The following ZDHHC2 variants were observed in gnomAD, a reference collection of about 807,000 sequenced individuals.
The protein encoded by ZDHHC2 is zDHHC palmitoyltransferase 2, also known as palmitoyltransferase ZDHHC2.
In ZDHHC2, 51 loss-of-function variants were observed where a neutral mutation model predicts 55.6. The observed-to-expected ratio is 0.92, with a 90% CI of 0.73 to 1.16. The LOEUF (loss-of-function observed/expected upper bound fraction) is 1.16. ZDHHC2 is among the 50% of genes most tolerant of loss of function. ZDHHC2 has a pLI of 0.00. For missense variants in ZDHHC2, 491 were observed against 442.4 expected (o/e 1.11, Z -0.99); for synonymous variants, 199 against 152.9 (o/e 1.30, Z -2.22).
intron 3 of ZDHHC2, among the ~76,000 whole-genome samples, chr8:17,189,069 G>T (rs1490604345): frequency 4.1e-5 from 6 of 147,424 alleles, no homozygotes; most frequent in Non-Finnish European, 7.4e-5. Context: ...TTATAGATTT[G>T]CAGTAGCCTC....
intron 6 of ZDHHC2, among the ~76,000 whole-genome samples, chr8:17,202,734 T>TATACAC (rs370809337): frequency 4.0e-5 from 6 of 149,730 alleles, no homozygotes; most frequent in African/African-American, 1.5e-4. Context: ...TATATATATA[T>TATACAC]ACACACACAC....
intron 3 of ZDHHC2, among the ~76,000 whole-genome samples, chr8:17,187,369 C>CT (rs1805766130): frequency 6.6e-6 from 1 of 152,020 alleles, no homozygotes; most frequent in South Asian, 2.1e-4. Context: ...TAAAAATATA[C>CT]TTTGCTAACT....
intron 1 of ZDHHC2, among the ~76,000 whole-genome samples, chr8:17,164,533 A>G (rs940603778): frequency 1.3e-5 from 2 of 152,100 alleles, no homozygotes; most frequent in Non-Finnish European, 1.5e-5. Context: ...ATTCACTAGC[A>G]TTGCCACCCC....
intron 3 of ZDHHC2, 95 bp from the exon 4 acceptor site, chr8:17,195,409 T>C (rs1469620775): frequency 1.5e-6 from 2 of 1,374,526 alleles, no homozygotes; most frequent in African/African-American, 1.5e-5. Context: ...ATACCATTAA[T>C]ATTTTATAAA....
chr8:17,180,678 G>T (rs1041654694), intron 1 of ZDHHC2, among the ~76,000 whole-genome samples: 1 of 152,174 alleles, frequency 6.6e-6, no homozygotes, highest in Non-Finnish European at 1.5e-5. Context: ...TGCTACTGCT[G>T]CAGCAATCAC....
At chr8:17,173,860 G>C (rs1804990085) in intron 1 of ZDHHC2, among the ~76,000 whole-genome samples, 1 of 152,070 alleles carries the variant, frequency 6.6e-6, no homozygotes, top group African/African-American at 2.4e-5. Context: ...GAATTTATTT[G>C]GAGAAAGGGT....
intron 7 of ZDHHC2, among the ~76,000 whole-genome samples, chr8:17,207,498 A>C (rs1354722031): frequency 1.3e-5 from 2 of 152,214 alleles, no homozygotes; most frequent in Admixed American, 6.5e-5. Flanking sequence ...TGTTGTTTGT[A>C]GTAACATAAA....
chr8:17,207,881 A>G, intron 7 of ZDHHC2, 79 bp from the exon 8 acceptor site: 1 of 1,161,462 alleles, frequency 8.6e-7, no homozygotes, highest in Non-Finnish European at 1.1e-6. Flanking sequence ...AAAAAAAAAA[A>G]TCTTACTAAT....
Position 17,205,697 on chromosome 8 carries a change from CCTTTT to C in ZDHHC2, c.523_527del (p.Phe175GlyfsTer28). 6.2e-7 allele frequency: 1 copy of C among 1,608,096 alleles called. No homozygotes were observed. The highest frequency in any genetic ancestry group is 8.5e-7 in the Non-Finnish European group (1 of 1,178,180). On this transcript the variant is annotated frameshift_variant, in exon 7 of 13. Coordinates refer to ENST00000262096, the MANE Select transcript of ZDHHC2 (RefSeq NM_016353.5). LOFTEE classifies it high-confidence loss of function. ...GATTTTCAAATTATAAGTTCTTTCTCCTTTTCTTGGCTTATTCTCTGCTCTACTGC... is the reference window on the plus strand; with the variant it reads ...GATTTTCAAATTATAAGTTCTTTCTCCTTGGCTTATTCTCTGCTCTACTGC...
chr8:17,159,438 T>C (rs1804222353), intron 1 of ZDHHC2, among the ~76,000 whole-genome samples: 2 of 152,324 alleles, frequency 1.3e-5, no homozygotes, highest in South Asian at 4.1e-4. Flanking sequence ...TGCTCTCAGC[T>C]AGGGATGACC....
At chr8:17,162,577 G>T (rs1428949264) in intron 1 of ZDHHC2, among the ~76,000 whole-genome samples, 1 of 152,068 alleles carries the variant, frequency 6.6e-6, no homozygotes. Flanking sequence ...CTTGAGTAGG[G>T]TTCGTTCAAA....
At position 17,181,942 on chromosome 8, in the gene ZDHHC2, A is replaced by T. The variant is rs1478351388; in HGVS notation, c.131-2847A>T. Among the ~76,000 whole-genome samples, 3 of 152,228 alleles carry T rather than the reference A, an allele frequency of 2.0e-5. No individual in the cohort carries two copies. The East Asian group carries it at 5.8e-4, about 29-fold the overall frequency. ...GCATTTGACAATAACTTTGTATTTT[A>T]TGTGTTTTTACTCTGTGAGAAAGGA... is the stretch of plus-strand genomic sequence containing the variant. On this transcript the variant is annotated intron_variant, in intron 1 of 12. Coordinates refer to ENST00000262096, the MANE Select transcript of ZDHHC2 (RefSeq NM_016353.5).
intron 12 of ZDHHC2, 114 bp from the exon 13 acceptor site, chr8:17,220,142 A>G (rs749091153): frequency 1.2e-4 from 18 of 152,202 alleles, no homozygotes; most frequent in Non-Finnish European, 2.4e-4. Context: ...GCCTGCTAGC[A>G]TAGTAAACAG....
chr8:17,156,826 T>C lies in ZDHHC2; in HGVS notation c.103T>C (p.Tyr35His). 6.6e-7 allele frequency: 1 copy of C among 1,519,436 alleles called. No homozygotes were observed. The highest frequency in any genetic ancestry group is 1.4e-5 in the African/African-American group (1 of 70,088). 94.1% of individuals were successfully genotyped at this position (1,519,436 alleles called of 1,614,324 possible). A position where few individuals can be genotyped will look rare whatever the true frequency, so the allele number is the denominator to read the frequency against. ...CACCCTCCTGCTCGGCTGGTCCTAC[T>C]ACGCCTACGCCATCCAGCTGTGCAT... is the stretch of plus-strand genomic sequence containing the variant. The part of the protein sequence containing the change: ...FITLLLGWSY[Y>H]AYAIQLCIVS... Residue 35 changes from tyrosine (Y) to histidine (H), a missense_variant, in exon 1 of 13, where the codon TAC (tyrosine) becomes CAC (histidine). Tyr to His is a moderately conservative substitution (Grantham distance 83). Transcript: ENST00000262096.
At chr8:17,193,466 G>C (rs1232001376) in intron 3 of ZDHHC2, among the ~76,000 whole-genome samples, 1 of 152,236 alleles carries the variant, frequency 6.6e-6, no homozygotes, top group Non-Finnish European at 1.5e-5. Context: ...ACACCACTGG[G>C]ACTGTGCTCA....
chr8:17,158,701 TG>T (rs1283402958), intron 1 of ZDHHC2, among the ~76,000 whole-genome samples: 1 of 152,272 alleles, frequency 6.6e-6, no homozygotes, highest in Non-Finnish European at 1.5e-5. Context: ...AGTGACGATT[TG>T]ACTAAGAGGA....
At chr8:17,172,655 G>A (rs78893821) in intron 1 of ZDHHC2, among the ~76,000 whole-genome samples, 17 of 152,272 alleles carry the variant, frequency 1.1e-4, no homozygotes, top group Admixed American at 1.1e-3. Context: ...TTTTATAAAC[G>A]TAAGGATTAA....
intron 10 of ZDHHC2, among the ~76,000 whole-genome samples, chr8:17,210,961 G>A (rs935849192): frequency 1.3e-5 from 2 of 152,030 alleles, no homozygotes; most frequent in Admixed American, 6.6e-5. Context: ...AGTGCCCTTG[G>A]AAGACCTCTA....
Position 17,195,591 on chromosome 8 carries a change from G to C in ZDHHC2, c.340G>C (p.Asp114His). Residue 114 changes from aspartate (D) to histidine (H), a missense_variant, in exon 4 of 13, where the codon GAT (aspartate) becomes CAT (histidine). Transcript: ENST00000262096. ...GGAAGTTCTTAGGCGAGCAGCCAAG[G>C]ATCTTCCCATCTATACCAGGACCAT... ...HQEVLRRAAKDLPIYTRTMSG... is the reference protein window; with the variant it reads ...HQEVLRRAAKHLPIYTRTMSG... The C allele has an allele frequency of 6.2e-7, 1 of 1,613,916 alleles. No individual in the cohort carries two copies. The highest frequency in any genetic ancestry group is 8.5e-7 in the Non-Finnish European group (1 of 1,179,828).
Sources: allele counts gnomAD v4.1 joint callset (sites outside exome capture counted in the v4.1 genomes callset), GRCh38; gene constraint gnomAD v4.1.1; transcripts MANE v1.5; gene names NCBI Gene and HGNC (gene_info 2026-07-23, HGNC 2026-07-21).